The following XRN2 variants were observed in gnomAD, a reference collection of about 807,000 sequenced individuals.
XRN2 encodes 5'-3' exoribonuclease 2.
XRN2 carries 44 observed loss-of-function variants against 138.5 expected under a neutral mutation model. The ratio of observed to expected loss-of-function variants is 0.32; its 90% CI spans 0.25 to 0.41. The LOEUF (loss-of-function observed/expected upper bound fraction) is 0.41, where lower values mean the gene tolerates loss of function less well. Ranked by LOEUF, XRN2 falls within the 10% of genes least tolerant of loss-of-function variation. The pLI, the probability that XRN2 is intolerant of heterozygous loss-of-function variation, is 1.00. For synonymous variants in XRN2, 354 were observed against 369.4 expected, an observed-to-expected ratio of 0.96 and a Z score of 0.48; for missense variants, 937 against 1,169.3, an observed-to-expected ratio of 0.80 and a Z score of 2.90.
intron 16 of XRN2, 72 bp downstream of exon 16, chr20:21,344,280 G>A (rs2038408558): frequency 1.7e-6 from 2 of 1,150,744 alleles, no homozygotes; most frequent in African/African-American, 1.5e-5. Flanking sequence ...ATGCTATTTA[G>A]CTTAGAGCAG....
chr20:21,331,618 A>T lies in XRN2; in HGVS notation c.634A>T (p.Ile212Phe). Residue 212 changes from isoleucine to phenylalanine, a missense_variant, in exon 7 of 30, where the codon ATT (isoleucine) becomes TTT (phenylalanine). Transcript: ENST00000377191. ...GEGEHKIMDY[I>F]RRQRAQPNHD... ...AGGAGAACATAAAATCATGGATTACATTAGAAGGCAAAGAGGTAAAGCTTA... is the reference window on the plus strand; with the variant it reads ...AGGAGAACATAAAATCATGGATTACTTTAGAAGGCAAAGAGGTAAAGCTTA... The T allele has an allele frequency of 6.2e-7, 1 of 1,612,930 alleles. No homozygotes were observed. The highest frequency in any genetic ancestry group is 8.5e-7 in the Non-Finnish European group (1 of 1,179,766).
intron 17 of XRN2, among the ~76,000 whole-genome samples, chr20:21,347,550 A>G (rs1278645467): frequency 6.6e-6 from 1 of 152,232 alleles, no homozygotes. Flanking sequence ...TCAAGATTTC[A>G]ACTCACTAGA....
At chr20:21,310,397 G>T (rs1223085726) in intron 1 of XRN2, among the ~76,000 whole-genome samples, 1 of 152,200 alleles carries the variant, frequency 6.6e-6, no homozygotes, top group African/African-American at 2.4e-5. Context: ...TTCTGCTGCT[G>T]TGAAATTTTG....
At chr20:21,356,430 T>C (rs185832779) in intron 22 of XRN2, among the ~76,000 whole-genome samples, 156 bp from the exon 23 acceptor site, 1 of 151,872 alleles carries the variant, frequency 6.6e-6, no homozygotes, top group Non-Finnish European at 1.5e-5. Context: ...TAATACTCTA[T>C]GTGTACTTTT....
chr20:21,314,259 C>T (rs2037927119), intron 1 of XRN2, among the ~76,000 whole-genome samples: 1 of 152,146 alleles, frequency 6.6e-6, no homozygotes, highest in Non-Finnish European at 1.5e-5. Context: ...TAGCATGTCG[C>T]AGTACTTTAT....
At chr20:21,333,217 G>A (rs144493925) in intron 9 of XRN2, among the ~76,000 whole-genome samples, 100 of 152,272 alleles carry the variant, frequency 6.6e-4, no homozygotes, top group African/African-American at 2.1e-3. Flanking sequence ...GGTTTGGCCT[G>A]TGAGCTATGT....
At chr20:21,323,459 AT>A (rs1246384259) in intron 1 of XRN2, among the ~76,000 whole-genome samples, 2 of 152,170 alleles carry the variant, frequency 1.3e-5, no homozygotes. Context: ...CTGCCCTTTG[AT>A]TAAGGATCTC....
chr20:21,336,351 G>T (rs2038293162), intron 13 of XRN2, among the ~76,000 whole-genome samples: 2 of 151,910 alleles, frequency 1.3e-5, no homozygotes, highest in Admixed American at 6.6e-5. Context: ...AATCCCAGCC[G>T]CTTGGGAGGC....
At chr20:21,354,377 A>G (rs147074586) in intron 20 of XRN2, among the ~76,000 whole-genome samples, 1 of 152,310 alleles carries the variant, frequency 6.6e-6, no homozygotes, top group East Asian at 1.9e-4. Flanking sequence ...TCATTTTACA[A>G]AAGATGAAAC....
intron 27 of XRN2, among the ~76,000 whole-genome samples, chr20:21,376,345 C>A (rs1568598008): frequency 6.6e-6 from 1 of 152,032 alleles, no homozygotes; most frequent in Non-Finnish European, 1.5e-5. Context: ...ACAGCAAGAC[C>A]CTGTCTCTTT....
At chr20:21,350,154 T>C (rs1296308980) in intron 20 of XRN2, among the ~76,000 whole-genome samples, 1 of 152,224 alleles carries the variant, frequency 6.6e-6, no homozygotes, top group Non-Finnish European at 1.5e-5. Context: ...TAGGAATGGC[T>C]ATATAAAATT....
chr20:21,354,832 T>A lies in XRN2; in HGVS notation c.1980T>A (p.Ala660=), dbSNP rs1416354055. The stretch of plus-strand genomic sequence containing the variant: ...TCGTGGATGAGCGAAGGCTACGAGC[T>A]GCCCTAGAAGAGGTATACCCAGACC... ...LPFVDERRLR[A]ALEEVYPDLT... is the part of the protein sequence containing the mutation. The change falls in exon 21 of 30, where the codon GCT becomes GCA. Residue 660 remains alanine (A), a synonymous_variant. Transcript: ENST00000377191. 5.0e-6 allele frequency: 8 copies of A among 1,613,912 alleles called. No individual in the cohort carries two copies. Among genetic ancestry groups the A allele is most frequent in the African/African-American group, 2.7e-5 (2 of 74,932 alleles).
At position 21,344,193 on chromosome 20, in the gene XRN2, C is replaced by T. The variant is rs1414488680; in HGVS notation, c.1514C>T (p.Pro505Leu). 10 of 1,612,540 alleles carry T rather than the reference C, an allele frequency of 6.2e-6. No individual in the cohort carries two copies. Among genetic ancestry groups the T allele is most frequent in the Middle Eastern group, 1.6e-4 (1 of 6,078 alleles). ...KAEDSDSEPE[P>L]EDNVRLWEAG... ...GAAGACAGTGACAGTGAACCTGAGC[C>T]AGAGGATAATGTCAGGTGAAGCCAT... Residue 505 changes from proline to leucine, a missense_variant, in exon 16 of 30, where the codon CCA (proline) becomes CTA (leucine). Coordinates refer to ENST00000377191, the MANE Select transcript of XRN2 (RefSeq NM_012255.5).
chr20:21,329,946 A>G (rs993263361), intron 4 of XRN2, among the ~76,000 whole-genome samples: 15 of 151,360 alleles, frequency 9.9e-5, no homozygotes, highest in African/African-American at 3.2e-4. Context: ...TAACAATATA[A>G]TATCTTTTGT....
chr20:21,303,479 G>A lies in XRN2; in HGVS notation c.75+6G>A, dbSNP rs1455744002. 4 of 1,538,566 alleles carry A rather than the reference G, an allele frequency of 2.6e-6. No homozygotes were observed. The highest frequency in any genetic ancestry group is 2.6e-6 in the Non-Finnish European group (3 of 1,143,432). On this transcript the variant is annotated splice_donor_region_variant and intron_variant, in intron 1 of 29. Transcript: ENST00000377191. ...TCAACTGCGTGGAAGAGAAGGTGAG[G>A]AGGCGCCAGGCGGCCGCCACACTCG...
At chr20:21,345,524 A>G (rs1020149521) in intron 16 of XRN2, among the ~76,000 whole-genome samples, 1 of 152,192 alleles carries the variant, frequency 6.6e-6, no homozygotes, top group African/African-American at 2.4e-5. Context: ...AGAGGCCTAA[A>G]TGGAGAATCA....
chr20:21,353,717 C>G (rs1220793762), intron 20 of XRN2, among the ~76,000 whole-genome samples: 1 of 151,586 alleles, frequency 6.6e-6, no homozygotes, highest in Non-Finnish European at 1.5e-5. Context: ...ATTGCTTGAG[C>G]CTGCAAGTTT....
chr20:21,370,453 GA>G (rs1213574644), intron 27 of XRN2, among the ~76,000 whole-genome samples: 1 of 152,142 alleles, frequency 6.6e-6, no homozygotes, highest in Non-Finnish European at 1.5e-5. Context: ...AAAGTATGAG[GA>G]AATGATTGCA....
chr20:21,339,147 A>G, intron 14 of XRN2, 59 bp downstream of exon 14: 7 of 1,514,988 alleles, frequency 4.6e-6, no homozygotes, highest in South Asian at 1.1e-5. Flanking sequence ...TTTATGAGGA[A>G]GATGTTCATT....
Sources: gnomAD v4.1 joint callset for allele counts (sites outside exome capture counted in the v4.1 genomes callset) on GRCh38, gnomAD v4.1.1 for gene constraint, MANE v1.5 for transcripts, NCBI Gene and HGNC (gene_info 2026-07-23, HGNC 2026-07-21) for gene names.